The following MCTP1 variants were observed in gnomAD, a reference collection of about 807,000 sequenced individuals.
MCTP1 encodes the protein multiple C2 and transmembrane domain-containing protein 1.
A neutral mutation model predicts 120.6 loss-of-function variants in MCTP1; 69 were observed. That is an observed-to-expected ratio of 0.57 (90% CI 0.47 to 0.70). MCTP1 has a LOEUF of 0.70. Among genes scored for constraint, MCTP1 ranks in the 30% least tolerant of loss-of-function variants. The probability of loss-of-function intolerance (pLI) is 0.00; values close to 1 mark genes in which losing one functional copy is unlikely to be tolerated. For synonymous variants in MCTP1, 529 were observed against 493.1 expected, an observed-to-expected ratio of 1.07 and a Z score of -0.96; for missense variants, 1,203 against 1,248.8, an observed-to-expected ratio of 0.96 and a Z score of 0.55.
chr5:95,241,680 AT>A (rs1328908473), intron 1 of MCTP1, among the ~76,000 whole-genome samples: 2 of 152,186 alleles, frequency 1.3e-5, no homozygotes, highest in African/African-American at 2.4e-5. Flanking sequence ...TTCTGAAGTA[AT>A]TTTCCCCAAT....
intron 1 of MCTP1, among the ~76,000 whole-genome samples, chr5:95,152,680 T>C (rs944903956): frequency 5.3e-5 from 8 of 152,206 alleles, no homozygotes; most frequent in Admixed American, 5.2e-4. Context: ...AAAATAACTT[T>C]TGGGTTCACT....
At chr5:94,719,352 A>G (rs765742934) in intron 19 of MCTP1, among the ~76,000 whole-genome samples, 5 of 152,234 alleles carry the variant, frequency 3.3e-5, no homozygotes, top group Non-Finnish European at 5.9e-5. Flanking sequence ...ATAAAGATAC[A>G]TGCACATGTA....
chr5:95,175,792 C>T (rs1037991880), intron 1 of MCTP1, among the ~76,000 whole-genome samples: 1 of 152,160 alleles, frequency 6.6e-6, no homozygotes, highest in Non-Finnish European at 1.5e-5. Context: ...CTCACACCTG[C>T]CAGGATGTTG....
intron 7 of MCTP1, among the ~76,000 whole-genome samples, chr5:94,920,742 AAAATAAATAAATAAATAAAT>A (rs113227976): frequency 5.6e-5 from 8 of 142,060 alleles, no homozygotes; most frequent in African/African-American, 1.6e-4. Flanking sequence ...ATTCCGTCTC[AAAATAAATAAATAAATAAAT>A]AAATAAATAA....
chr5:95,284,006 C>A lies in MCTP1; in HGVS notation c.570G>T (p.Gly190=). The stretch of plus-strand genomic sequence containing the variant: ...AGCTCTTCTGGTGGCACAAGTGCGC[C>A]CCGGGGCCCTGACGCCGTGCACCCT... The part of the protein sequence containing the change: ...RDEGARRQGP[G]AHLCHQKSSS... Residue 190 remains glycine, a synonymous_variant, in exon 1 of 23, where the codon GGG becomes GGT. Transcript: ENST00000515393. This position sits in a 1 kb window ranked among gnomAD's most constrained non-coding sequence, Gnocchi z 5.2. 6.8e-7 allele frequency: 1 copy of A among 1,478,174 alleles called. No homozygotes were observed. The highest frequency in any genetic ancestry group is 8.9e-7 in the Non-Finnish European group (1 of 1,117,644). The allele number at this position is 1,478,174 out of a possible 1,614,324, so 91.6% of individuals were successfully genotyped here. A position where few individuals can be genotyped will look rare whatever the true frequency, so the allele number is the denominator to read the frequency against.
intron 19 of MCTP1, among the ~76,000 whole-genome samples, chr5:94,720,517 AAG>A (rs1314235317): frequency 6.6e-6 from 1 of 152,198 alleles, no homozygotes; most frequent in Admixed American, 6.5e-5. Context: ...AATATTTAGA[AAG>A]AATATATAAT....
At chr5:94,909,441 T>G (rs1470038750) in intron 9 of MCTP1, 60 bp from the exon 10 acceptor site, 1 of 1,529,202 alleles carries the variant, frequency 6.5e-7, no homozygotes, top group Non-Finnish European at 8.8e-7. Context: ...AACTTCAACC[T>G]GAGACACTAA....
At chr5:94,719,599 T>G (rs1000822836) in intron 19 of MCTP1, among the ~76,000 whole-genome samples, 1 of 152,028 alleles carries the variant, frequency 6.6e-6, no homozygotes, top group Non-Finnish European at 1.5e-5. Flanking sequence ...TTCTCACATG[T>G]AAGTGGGAGC....
intron 19 of MCTP1, among the ~76,000 whole-genome samples, chr5:94,736,431 C>G (rs7731201): frequency 6.6e-6 from 1 of 152,010 alleles, no homozygotes; most frequent in African/African-American, 2.4e-5. Context: ...TGCAGTGAGG[C>G]GAAATTGTGC....
chr5:94,891,897 C>T (rs1284992494), intron 11 of MCTP1, among the ~76,000 whole-genome samples: 1 of 152,112 alleles, frequency 6.6e-6, no homozygotes, highest in Admixed American at 6.5e-5. Flanking sequence ...GCTTCTGAAG[C>T]CAGAAATTTC....
At chr5:94,886,467 C>CA (rs1397611286) in intron 12 of MCTP1, among the ~76,000 whole-genome samples, 1 of 151,950 alleles carries the variant, frequency 6.6e-6, no homozygotes, top group African/African-American at 2.4e-5. Flanking sequence ...TTAAAAATAT[C>CA]AAAAAAACAG....
chr5:95,112,863 A>G (rs1261859508), intron 1 of MCTP1, among the ~76,000 whole-genome samples: 2 of 152,242 alleles, frequency 1.3e-5, no homozygotes, highest in African/African-American at 4.8e-5. Context: ...AAGGAATTCT[A>G]AAGCAGAAGA....
At chr5:95,060,911 T>C (rs1284568279) in intron 1 of MCTP1, among the ~76,000 whole-genome samples, 2 of 147,316 alleles carry the variant, frequency 1.4e-5, no homozygotes, top group Non-Finnish European at 3.0e-5. Flanking sequence ...AAGGCAGAGG[T>C]TGTAGTGGGC....
At chr5:94,826,359 G>A (rs575979888) in intron 17 of MCTP1, 104 of 571,498 alleles carry the variant, frequency 1.8e-4, no homozygotes, top group South Asian at 1.7e-3. Context: ...TTTGATGAAG[G>A]CAAAGAAGCT....
At chr5:95,007,678 C>T (rs964044793) in intron 2 of MCTP1, among the ~76,000 whole-genome samples, 2 of 152,160 alleles carry the variant, frequency 1.3e-5, no homozygotes, top group East Asian at 3.8e-4. Context: ...TCAGATCTGG[C>T]TGCCTTATAT....
chr5:94,747,833 G>A (rs1027493064), intron 19 of MCTP1, among the ~76,000 whole-genome samples: 3 of 152,148 alleles, frequency 2.0e-5, no homozygotes, highest in Admixed American at 6.5e-5. Flanking sequence ...GCTCACGCCT[G>A]TAAACCCAGC....
chr5:95,239,326 C>T (rs1755909304), intron 1 of MCTP1, among the ~76,000 whole-genome samples: 1 of 152,112 alleles, frequency 6.6e-6, no homozygotes, highest in African/African-American at 2.4e-5. Context: ...TGATCATTGT[C>T]CGAGCACTCA....
At chr5:95,241,786 T>C (rs1429329879) in intron 1 of MCTP1, among the ~76,000 whole-genome samples, 2 of 152,186 alleles carry the variant, frequency 1.3e-5, no homozygotes, top group Non-Finnish European at 2.9e-5. Flanking sequence ...GGCAGCAACA[T>C]TCATCAAACA....
intron 12 of MCTP1, among the ~76,000 whole-genome samples, chr5:94,886,045 C>T (rs1581190196): frequency 1.3e-5 from 2 of 151,946 alleles, no homozygotes; most frequent in Admixed American, 1.3e-4. Flanking sequence ...CTATTGAGAC[C>T]GAAGAAAAAA....
Sources: allele counts gnomAD v4.1 joint callset (sites outside exome capture counted in the v4.1 genomes callset), GRCh38; gene constraint gnomAD v4.1.1; non-coding constraint Gnocchi (gnomAD v3.1); transcripts MANE v1.5; gene names NCBI Gene and HGNC (gene_info 2026-07-23, HGNC 2026-07-21).